LYPD6: variants seen among roughly 807,000 people sequenced by gnomAD.
The protein encoded by LYPD6 is ly6/PLAUR domain-containing protein 6.
In LYPD6, 15 loss-of-function variants were observed where a neutral mutation model predicts 22.7. That is an observed-to-expected ratio of 0.66 (90% CI 0.44 to 1.02). LYPD6 has a LOEUF of 1.02. Among genes scored for constraint, LYPD6 ranks in the 50% least tolerant of loss-of-function variants. The pLI is 0.00. For missense variants in LYPD6, 189 were observed against 208.4 expected, an observed-to-expected ratio of 0.91 and a Z score of 0.57; for synonymous variants, 72 against 77.5, an observed-to-expected ratio of 0.93 and a Z score of 0.37.
chr2:149,368,582 A>T (rs534982909), intron 1 of LYPD6, among the ~76,000 whole-genome samples: 1 of 152,148 alleles, frequency 6.6e-6, no homozygotes, highest in Admixed American at 6.6e-5. Context: ...CAGGAATAAA[A>T]TGATCATCAG....
intron 1 of LYPD6, among the ~76,000 whole-genome samples, chr2:149,422,621 ACTATT>A (rs1171605361): frequency 6.6e-6 from 1 of 152,140 alleles, no homozygotes; most frequent in Non-Finnish European, 1.5e-5. Context: ...GCATTTAAGA[ACTATT>A]CTCTTAGCAA....
intron 1 of LYPD6, among the ~76,000 whole-genome samples, chr2:149,366,655 A>G (rs1439969707): frequency 6.6e-6 from 1 of 152,192 alleles, no homozygotes; most frequent in African/African-American, 2.4e-5. Flanking sequence ...TAGAATTTTT[A>G]AGATTAACTT....
intron 1 of LYPD6, among the ~76,000 whole-genome samples, chr2:149,398,209 CTT>C (rs564992115): frequency 2.0e-4 from 30 of 152,236 alleles, no homozygotes; most frequent in Non-Finnish European, 4.1e-4. Context: ...CAACTGAAGT[CTT>C]TTAAAAAAGC....
At chr2:149,378,742 G>GCCACATGAAA (rs1681991697) in intron 1 of LYPD6, among the ~76,000 whole-genome samples, 1 of 152,022 alleles carries the variant, frequency 6.6e-6, no homozygotes, top group Non-Finnish European at 1.5e-5. Context: ...CCCTACAATT[G>GCCACATGAAA]CCACATGAAA....
chr2:149,354,001 G>GCATGAGAA (rs1486550378), intron 1 of LYPD6, among the ~76,000 whole-genome samples: 1 of 152,194 alleles, frequency 6.6e-6, no homozygotes, highest in East Asian at 1.9e-4. Context: ...GTGAAGTCTG[G>GCATGAGAA]CATGAGAACA....
intron 1 of LYPD6, among the ~76,000 whole-genome samples, chr2:149,407,723 T>G (rs1050141075): frequency 6.6e-6 from 1 of 152,224 alleles, no homozygotes; most frequent in Non-Finnish European, 1.5e-5. Context: ...GAAGCCTTCT[T>G]CTCTCAACTT....
intron 3 of LYPD6, among the ~76,000 whole-genome samples, chr2:149,467,575 T>TG (rs1681227476): frequency 6.6e-6 from 1 of 151,886 alleles, no homozygotes; most frequent in South Asian, 2.1e-4. Flanking sequence ...CAGAATCTGG[T>TG]GGGGGAGAGG....
chr2:149,444,576 A>G (rs1418267010), intron 2 of LYPD6, among the ~76,000 whole-genome samples: 12 of 152,142 alleles, frequency 7.9e-5, no homozygotes, highest in Non-Finnish European at 7.3e-5. Context: ...CAGTTCTATG[A>G]TGTTCTAAAT....
Position 149,449,970 on chromosome 2 carries a change from G to A in LYPD6, c.217+823G>A, listed in dbSNP as rs563603552. ...TCAGTATAACACGAGTATTATATAA[G>A]AGTTCTCATACTTAACCCAGTGAAT... On this transcript the variant is annotated intron_variant, in intron 3 of 4. Coordinates refer to ENST00000334166, the MANE Select transcript of LYPD6 (RefSeq NM_194317.5). Among the ~76,000 whole-genome samples the A allele has an allele frequency of 2.5e-4, 38 of 152,252 alleles. No homozygotes were observed. In the South Asian group the frequency reaches 7.9e-3, roughly 32 times the overall value.
chr2:149,428,031 G>A (rs887144231), intron 1 of LYPD6, among the ~76,000 whole-genome samples: 11 of 152,152 alleles, frequency 7.2e-5, no homozygotes, highest in Non-Finnish European at 1.3e-4. Flanking sequence ...AAATAGATTC[G>A]CAGTTAAGAT....
chr2:149,480,019 CTTTTTT>C, the LYPD6 span, among the ~76,000 whole-genome samples: 2 of 144,126 alleles, frequency 1.4e-5, no homozygotes, highest in Admixed American at 6.9e-5. Flanking sequence ...TTTTCTCTCT[CTTTTTT>C]TTTTTTTGTT....
intron 1 of LYPD6, among the ~76,000 whole-genome samples, chr2:149,397,370 T>C (rs1220637140): frequency 6.6e-6 from 1 of 152,282 alleles, no homozygotes; most frequent in East Asian, 1.9e-4. Flanking sequence ...TCCATCAGAG[T>C]AGCCTGGATT....
intron 1 of LYPD6, among the ~76,000 whole-genome samples, chr2:149,430,620 A>G (rs576190573): frequency 1.7e-3 from 259 of 152,328 alleles, no homozygotes; most frequent in Middle Eastern, 6.8e-3. Flanking sequence ...TCAGAATTCC[A>G]TTCTGCTCTT....
At position 149,390,161 on chromosome 2, in the gene LYPD6, T is replaced by C. The variant is rs147647920; in HGVS notation, c.-71-47477T>C. Among the ~76,000 whole-genome samples the C allele has an allele frequency of 5.1e-3, 781 of 152,368 alleles. 6 individuals are homozygous for C. Among genetic ancestry groups the C allele is most frequent in the African/African-American group, 0.018 (756 of 41,590 alleles). On this transcript the variant is annotated intron_variant, in intron 1 of 4. Coordinates refer to ENST00000334166, the MANE Select transcript of LYPD6 (RefSeq NM_194317.5). Reference sequence around the variant, plus strand: ...CTTGATTAATTTTCACAGTGCCATATATTGACCTTGAAAGAAGTCTTGGTC... The same window carrying C: ...CTTGATTAATTTTCACAGTGCCATACATTGACCTTGAAAGAAGTCTTGGTC...
chr2:149,336,558 A>G (rs770558479), intron 1 of LYPD6, among the ~76,000 whole-genome samples: 5 of 152,302 alleles, frequency 3.3e-5, no homozygotes, highest in Admixed American at 6.5e-5. Flanking sequence ...ATGTGATGCT[A>G]TTTTAAAAAT....
chr2:149,459,152 T>G (rs1681032158), intron 3 of LYPD6, among the ~76,000 whole-genome samples: 1 of 152,008 alleles, frequency 6.6e-6, no homozygotes, highest in Admixed American at 6.6e-5. Flanking sequence ...CGTCTTGAAA[T>G]AGCAAGAGAA....
At chr2:149,459,738 C>T (rs1440971727) in intron 3 of LYPD6, among the ~76,000 whole-genome samples, 1 of 152,004 alleles carries the variant, frequency 6.6e-6, no homozygotes, top group East Asian at 1.9e-4. Context: ...CCCATCTCTA[C>T]TAAAAATACA....
chr2:149,384,723 A>AT (rs1189202375), intron 1 of LYPD6, among the ~76,000 whole-genome samples: 1 of 151,726 alleles, frequency 6.6e-6, no homozygotes, highest in Non-Finnish European at 1.5e-5. Context: ...AATTTTTTTT[A>AT]TTTTTTTATT....
intron 2 of LYPD6, among the ~76,000 whole-genome samples, chr2:149,447,766 T>C (rs1683720164): frequency 6.6e-6 from 1 of 152,246 alleles, no homozygotes; most frequent in Admixed American, 6.5e-5. Flanking sequence ...ATGAGTAAGT[T>C]ATTAGAAATC....
Sources: allele counts gnomAD v4.1 joint callset (sites outside exome capture counted in the v4.1 genomes callset), GRCh38; gene constraint gnomAD v4.1.1; transcripts MANE v1.5; gene names NCBI Gene and HGNC (gene_info 2026-07-23, HGNC 2026-07-21).